ZNF331: variants seen among roughly 807,000 people sequenced by gnomAD.
ZNF331 encodes zinc finger protein 331.
A neutral mutation model predicts 7.0 loss-of-function variants in ZNF331; 2 were observed. That is an observed-to-expected ratio of 0.29 (90% confidence interval 0.12 to 0.90). The LOEUF (loss-of-function observed/expected upper bound fraction) is 0.90, where lower values mean the gene tolerates loss of function less well. Among genes scored for constraint, ZNF331 ranks in the 40% least tolerant of loss-of-function variants. ZNF331 has a pLI of 0.58. For missense variants in ZNF331, 432 were observed against 587.7 expected (o/e 0.74, Z 2.74); for synonymous variants, 196 against 205.4 (o/e 0.95, Z 0.39).
chr19:53,521,021 C>T (rs1242964276), upstream of ZNF331: 1 of 152,298 alleles, frequency 6.6e-6, no homozygotes, highest in Non-Finnish European at 1.5e-5. Flanking sequence ...CCCAGAGGGC[C>T]TTGGGGCACA....
chr19:53,549,637 G>A (rs1600328423), intron 2 of ZNF331, among the ~76,000 whole-genome samples: 1 of 150,704 alleles, frequency 6.6e-6, no homozygotes, highest in East Asian at 1.9e-4. Flanking sequence ...ATTCTTAAAA[G>A]CCTCATGATT....
In ZNF331 at chr19:53,577,156, G is replaced by T. The variant is rs1223904899; in HGVS notation, c.596G>T (p.Gly199Val). Residue 199 changes from glycine (G) to valine (V), a missense_variant, in exon 6 of 6, where the codon GGC becomes GTC. Physicochemically the swap from Gly to Val is moderately radical, Grantham distance 109 (BLOSUM62 -3). Around this residue, in one of 3 missense-constraint regions of ZNF331, gnomAD observed 312 missense variants for 448.6 expected, o/e 0.70. Coordinates refer to ENST00000449416, the MANE Select transcript of ZNF331 (RefSeq NM_001079906.2). ...GACTGTGGGAAGGCTTTTCGATGGG[G>T]CTCAAGCCTCGTTATTCATAAGAGG... ...CKDCGKAFRW[G>V]SSLVIHKRIH... 1.1e-5 allele frequency: 18 copies of T among 1,613,858 alleles called. No individual in the cohort carries two copies. The highest frequency in any genetic ancestry group is 1.4e-5 in the Non-Finnish European group (17 of 1,179,994).
chr19:53,551,502 T>C (rs2089007523), intron 2 of ZNF331, among the ~76,000 whole-genome samples: 1 of 152,160 alleles, frequency 6.6e-6, no homozygotes, highest in African/African-American at 2.4e-5. Flanking sequence ...TTGTCTTGTT[T>C]TGGAAAACCT....
intron 2 of ZNF331, among the ~76,000 whole-genome samples, chr19:53,528,407 A>G (rs1224009773): frequency 6.6e-6 from 1 of 152,384 alleles, no homozygotes; most frequent in Non-Finnish European, 1.5e-5. Flanking sequence ...AGTGATCTTT[A>G]ATAAAAACAG....
At chr19:53,574,307 G>C (rs1260249893) in intron 5 of ZNF331, among the ~76,000 whole-genome samples, 1 of 151,774 alleles carries the variant, frequency 6.6e-6, no homozygotes, top group African/African-American at 2.4e-5. Flanking sequence ...CAATACGGAG[G>C]AAAGTGGGAG....
chr19:53,576,145 C>T (rs554899965), intron 5 of ZNF331, among the ~76,000 whole-genome samples: 37 of 152,026 alleles, frequency 2.4e-4, no homozygotes, highest in South Asian at 8.3e-4. Context: ...CCACCATGTC[C>T]GGCTAATTTT....
Position 53,571,820 on chromosome 19 carries a change from T to A in ZNF331, c.136+90T>A. 6.7e-7 allele frequency: 1 copy of A among 1,484,664 alleles called. No individual in the cohort carries two copies. Among genetic ancestry groups the A allele is most frequent in the Non-Finnish European group, 9.0e-7 (1 of 1,106,714 alleles). 92.0% of individuals were successfully genotyped at this position (1,484,664 alleles called of 1,614,324 possible). Reference sequence around the variant, plus strand: ...CAGGACCGCCTTTCAAGAAACTAGTTGAATTTCTTCTTCCTGTCCCCAAGG... The same window carrying A: ...CAGGACCGCCTTTCAAGAAACTAGTAGAATTTCTTCTTCCTGTCCCCAAGG... On this transcript the variant is annotated intron_variant, in intron 5 of 5. Coordinates refer to ENST00000449416, the MANE Select transcript of ZNF331 (RefSeq NM_001079906.2). This position sits in a 1 kb window ranked among gnomAD's most constrained non-coding sequence, Gnocchi z 4.7.
chr19:53,550,159 A>C (rs986924327), intron 2 of ZNF331, among the ~76,000 whole-genome samples: 3 of 152,188 alleles, frequency 2.0e-5, no homozygotes, highest in African/African-American at 7.2e-5. Context: ...AACATGATCT[A>C]TCCTGGAGAA....
rs575155093 is a variant in ZNF331 at position 53,571,024 on chromosome 19, A to G, written c.10-580A>G. Among the ~76,000 whole-genome samples the G allele has an allele frequency of 3.4e-4, 51 of 151,394 alleles. No individual in the cohort carries two copies. Among genetic ancestry groups the G allele is most frequent in the African/African-American group, 1.1e-3 (46 of 41,262 alleles). ...CAGGCGCCCACCATCACGCCCGGCTAATTTTTTTGTATTTTTAGTAGAGAT... is the reference window on the plus strand; with the variant it reads ...CAGGCGCCCACCATCACGCCCGGCTGATTTTTTTGTATTTTTAGTAGAGAT... On this transcript the variant is annotated intron_variant, in intron 4 of 5. Transcript: ENST00000449416. The surrounding 1 kb of genome is among the most constrained non-coding windows in gnomAD (Gnocchi z 4.7).
At chr19:53,507,773 C>T in the ZNF331 span, among the ~76,000 whole-genome samples, 7 of 152,014 alleles carry the variant, frequency 4.6e-5, no homozygotes, top group East Asian at 1.9e-4. Flanking sequence ...CTGAGGTAGG[C>T]GGATGTCTTC....
upstream of ZNF331, among the ~76,000 whole-genome samples, chr19:53,515,259 A>G (rs1468819317): frequency 1.3e-5 from 2 of 152,214 alleles, no homozygotes; most frequent in African/African-American, 4.8e-5. Context: ...TCTAACATTG[A>G]TGAATGCAAA....
chr19:53,504,254 T>C, the ZNF331 span: 1 of 308,682 alleles, frequency 3.2e-6, no homozygotes, highest in Admixed American at 4.6e-5. Context: ...GGGACTCCTG[T>C]GTATCCAAGC....
At chr19:53,505,070 A>G in the ZNF331 span, among the ~76,000 whole-genome samples, 2 of 152,152 alleles carry the variant, frequency 1.3e-5, no homozygotes, top group Non-Finnish European at 2.9e-5. Context: ...TGCTGAGTTC[A>G]TGGGGTTGAG....
Position 53,571,548 on chromosome 19 carries a change from T to C in ZNF331, c.10-56T>C. On this transcript the variant is annotated intron_variant, in intron 4 of 5. Transcript: ENST00000449416. The surrounding 1 kb of genome is among the most constrained non-coding windows in gnomAD (Gnocchi z 4.7). ...CCCAGAGGGTGGCCTCCTGTCTCCT[T>C]CATCTGGAAGCTGTTTCCTTTCATT... The C allele has an allele frequency of 6.3e-7, 1 of 1,598,614 alleles. No individual in the cohort carries two copies. The highest frequency in any genetic ancestry group is 2.2e-5 in the East Asian group (1 of 44,786).
At chr19:53,528,570 A>G (rs556573443) in intron 2 of ZNF331, among the ~76,000 whole-genome samples, 1 of 152,234 alleles carries the variant, frequency 6.6e-6, no homozygotes, top group South Asian at 2.1e-4. Context: ...AGAGTTCAGA[A>G]TCACACCCTG....
intron 3 of ZNF331, among the ~76,000 whole-genome samples, chr19:53,561,869 CG>C (rs2089905343): frequency 6.6e-6 from 1 of 152,066 alleles, no homozygotes; most frequent in East Asian, 1.9e-4. Flanking sequence ...ACTAGAAGGC[CG>C]GGTGCAATGG....
intron 2 of ZNF331, among the ~76,000 whole-genome samples, chr19:53,546,715 T>G (rs2088643028): frequency 6.6e-6 from 1 of 152,222 alleles, no homozygotes. Flanking sequence ...GTTTGTTTAG[T>G]CTGTACCTGG....
Position 53,540,151 on chromosome 19 carries a change from T to C in ZNF331, c.-138+869T>C, listed in dbSNP as rs558637117. Among the ~76,000 whole-genome samples, 5 of 152,294 alleles carry C rather than the reference T, an allele frequency of 3.3e-5. No individual in the cohort carries two copies. In the South Asian group the frequency reaches 1.0e-3, roughly 32 times the overall value. ...TATTGAGCGCATTTTTGTACCATAC[T>C]CTATTGTGTTTTGCACACACTCCTT... On this transcript the variant is annotated intron_variant, in intron 2 of 5. Coordinates refer to ENST00000449416, the MANE Select transcript of ZNF331 (RefSeq NM_001079906.2).
In ZNF331 at chr19:53,577,981, G is replaced by A. The variant is rs368970877; in HGVS notation, c.*29G>A. The A allele has an allele frequency of 1.3e-5, 21 of 1,569,736 alleles. No homozygotes were observed. The highest frequency in any genetic ancestry group is 1.7e-4 in the Middle Eastern group (1 of 5,870). On this transcript the variant is annotated 3_prime_UTR_variant, in exon 6 of 6. Coordinates refer to ENST00000449416, the MANE Select transcript of ZNF331 (RefSeq NM_001079906.2). ...GCCTTTTGAACGCAGTAGCCCGCTC[G>A]TATCTATGGTTTCGCTTTCCACAGT...
Sources: gnomAD v4.1 joint callset for allele counts (sites outside exome capture counted in the v4.1 genomes callset) on GRCh38, gnomAD v4.1.1 for gene constraint, gnomAD v4.1.1 regional missense constraint, Gnocchi (gnomAD v3.1) non-coding constraint, MANE v1.5 for transcripts, NCBI Gene and HGNC (gene_info 2026-07-23, HGNC 2026-07-21) for gene names.